COL24A1: variants seen among roughly 807,000 people sequenced by gnomAD.
The protein encoded by COL24A1 is collagen type XXIV alpha 1 chain.
A neutral mutation model predicts 253.9 loss-of-function variants in COL24A1; 224 were observed. That is an observed-to-expected ratio of 0.88 (90% CI 0.79 to 0.99). COL24A1 has a LOEUF of 0.99. Among genes scored for constraint, COL24A1 ranks in the 50% least tolerant of loss-of-function variants. The pLI, the probability that COL24A1 is intolerant of heterozygous loss-of-function variation, is 0.00. For synonymous variants in COL24A1, 685 were observed against 673.7 expected (o/e 1.02, Z -0.26); for missense variants, 2,131 against 2,068.5 (o/e 1.03, Z -0.59).
At chr1:85,732,545 T>G (rs532329784) in intron 59 of COL24A1, among the ~76,000 whole-genome samples, 28 of 152,312 alleles carry the variant, frequency 1.8e-4, no homozygotes, top group African/African-American at 6.5e-4. Flanking sequence ...GGGATTGATT[T>G]CTTGTTCCTC....
At chr1:86,029,265 T>A (rs1415051061) in intron 14 of COL24A1, among the ~76,000 whole-genome samples, 2 of 152,108 alleles carry the variant, frequency 1.3e-5, no homozygotes, top group Non-Finnish European at 2.9e-5. Flanking sequence ...ACCAACGAAA[T>A]TCTGGACTCT....
chr1:85,886,516 T>C (rs1486147369), intron 32 of COL24A1, among the ~76,000 whole-genome samples: 2 of 151,706 alleles, frequency 1.3e-5, no homozygotes, highest in Non-Finnish European at 1.5e-5. Flanking sequence ...ATACAAAAAA[T>C]TATTGGGGCG....
chr1:85,816,930 G>A (rs1673100000), intron 46 of COL24A1, 35 bp from the exon 47 acceptor site: 2 of 1,419,988 alleles, frequency 1.4e-6, no homozygotes, highest in African/African-American at 1.4e-5. Context: ...TTGTAGAGAT[G>A]CTGAAAAGAT....
At chr1:85,864,301 C>CA (rs1287072948) in intron 37 of COL24A1, among the ~76,000 whole-genome samples, 2 of 148,630 alleles carry the variant, frequency 1.3e-5, no homozygotes, top group East Asian at 2.0e-4. Context: ...ATCGCAAGGA[C>CA]AAAAAACCAA....
chr1:85,882,894 C>T (rs1682027506), intron 32 of COL24A1, among the ~76,000 whole-genome samples: 1 of 152,166 alleles, frequency 6.6e-6, no homozygotes, highest in Non-Finnish European at 1.5e-5. Flanking sequence ...CTGAAGTCTG[C>T]TTTCTCTGAA....
intron 53 of COL24A1, among the ~76,000 whole-genome samples, chr1:85,762,865 G>C (rs1197666620): frequency 6.6e-6 from 1 of 152,102 alleles, no homozygotes; most frequent in East Asian, 1.9e-4. Context: ...AGAAAAATAA[G>C]AAACAATTTC....
At chr1:85,936,425 A>C (rs962033036) in intron 24 of COL24A1, among the ~76,000 whole-genome samples, 1 of 147,520 alleles carries the variant, frequency 6.8e-6, no homozygotes, top group African/African-American at 2.5e-5. Context: ...TATAGGCAGA[A>C]GGGACTATGA....
At chr1:85,837,769 A>T (rs1388240185) in intron 43 of COL24A1, among the ~76,000 whole-genome samples, 1 of 152,234 alleles carries the variant, frequency 6.6e-6, no homozygotes, top group African/African-American at 2.4e-5. Flanking sequence ...GAGTGAAATT[A>T]TAAAGGATTT....
At chr1:85,964,145 C>A (rs182499344) in intron 23 of COL24A1, among the ~76,000 whole-genome samples, 11 of 152,118 alleles carry the variant, frequency 7.2e-5, no homozygotes, top group Admixed American at 2.6e-4. Context: ...CTTCAGGAAA[C>A]GTAGTAATAA....
At chr1:85,878,029 C>A (rs1015195346) in intron 32 of COL24A1, among the ~76,000 whole-genome samples, 2 of 152,060 alleles carry the variant, frequency 1.3e-5, no homozygotes, top group Non-Finnish European at 2.9e-5. Context: ...ATTTAAAGTT[C>A]CTTTATACAT....
chr1:86,135,386 G>T (rs1650061620), intron 2 of COL24A1, among the ~76,000 whole-genome samples: 1 of 152,050 alleles, frequency 6.6e-6, no homozygotes, highest in African/African-American at 2.4e-5. Context: ...ATTTGATCCT[G>T]TCATTATGAT....
intron 39 of COL24A1, among the ~76,000 whole-genome samples, chr1:85,845,325 G>C (rs187587156): frequency 1.3e-5 from 2 of 151,624 alleles, no homozygotes; most frequent in East Asian, 3.9e-4. Flanking sequence ...TCTACTATGG[G>C]ATTATCTAAA....
chr1:85,949,865 T>C (rs1689721898), intron 24 of COL24A1, among the ~76,000 whole-genome samples: 1 of 152,168 alleles, frequency 6.6e-6, no homozygotes, highest in South Asian at 2.1e-4. Context: ...ATTTCATCAT[T>C]GTCTACTCCT....
intron 12 of COL24A1, 69 bp from the exon 13 acceptor site, chr1:86,033,992 AG>A (rs1698801289): frequency 8.3e-7 from 1 of 1,198,346 alleles, no homozygotes; most frequent in African/African-American, 1.6e-5. Flanking sequence ...TTTCTAACAA[AG>A]AATTTAGTAA....
chr1:85,923,998 A>G (rs1001840962), intron 24 of COL24A1, among the ~76,000 whole-genome samples: 1 of 152,202 alleles, frequency 6.6e-6, no homozygotes, highest in Non-Finnish European at 1.5e-5. Flanking sequence ...ATCATCACGG[A>G]TCTCACAGAA....
At chr1:85,908,564 C>G in intron 27 of COL24A1, 34 bp downstream of exon 27, 1 of 1,222,316 alleles carries the variant, frequency 8.2e-7, no homozygotes, top group Non-Finnish European at 1.1e-6. Flanking sequence ...AGTAAACATT[C>G]CGGAAGGAAT....
chr1:86,116,083 CTTACT>C (rs1168823829), intron 3 of COL24A1, among the ~76,000 whole-genome samples: 1 of 152,124 alleles, frequency 6.6e-6, no homozygotes, highest in African/African-American at 2.4e-5. Context: ...GTCTTCTTCA[CTTACT>C]TTAACAATCA....
In COL24A1 at chr1:85,927,324, G is replaced by A. The variant is rs543992771; in HGVS notation, c.2563-15891C>T. On this transcript the variant is annotated intron_variant, in intron 24 of 59. Coordinates refer to ENST00000370571, the MANE Select transcript of COL24A1 (RefSeq NM_152890.7). ...CGAGTCAAAGAAAGGGGTGACGGAC[G>A]GCACCTGGAAAATCGGGTCACTCCC... is the stretch of plus-strand genomic sequence containing the variant. 3.0e-3 allele frequency among the ~76,000 whole-genome samples: 453 copies of A among 152,190 alleles called. 2 individuals are homozygous for A. Among genetic ancestry groups the A allele is most frequent in the South Asian group, 8.9e-3 (43 of 4,820 alleles).
intron 6 of COL24A1, among the ~76,000 whole-genome samples, chr1:86,091,982 C>A (rs1282379205): frequency 6.6e-6 from 1 of 151,970 alleles, no homozygotes; most frequent in African/African-American, 2.4e-5. Context: ...AGGACCACAT[C>A]CTGTTGTAAT....
Sources: allele counts gnomAD v4.1 joint callset (sites outside exome capture counted in the v4.1 genomes callset), GRCh38; gene constraint gnomAD v4.1.1; transcripts MANE v1.5; gene names NCBI Gene and HGNC (gene_info 2026-07-23, HGNC 2026-07-21).